The following CDH20 variants were observed in gnomAD, a reference collection of about 807,000 sequenced individuals.
CDH20 encodes the protein cadherin-20.
In CDH20, 29 loss-of-function variants were observed where a neutral mutation model predicts 74.2. That is an observed-to-expected ratio of 0.39 (90% CI 0.29 to 0.53). The LOEUF (loss-of-function observed/expected upper bound fraction) is 0.53. Among genes scored for constraint, CDH20 ranks in the 20% least tolerant of loss-of-function variants. The probability of loss-of-function intolerance (pLI) is 0.69; values close to 1 mark genes in which losing one functional copy is unlikely to be tolerated. For synonymous variants in CDH20, 469 were observed against 405.4 expected (o/e 1.16, Z -1.88); for missense variants, 988 against 1,048.3 (o/e 0.94, Z 0.79).
intron 1 of CDH20, among the ~76,000 whole-genome samples, chr18:61,417,204 A>C (rs2144264244): frequency 6.6e-6 from 1 of 152,330 alleles, no homozygotes; most frequent in South Asian, 2.1e-4. Context: ...AAAGGAGATA[A>C]GATTATAGAG....
chr18:61,424,355 G>A (rs1912995197), intron 1 of CDH20, among the ~76,000 whole-genome samples: 1 of 152,232 alleles, frequency 6.6e-6, no homozygotes, highest in East Asian at 1.9e-4. Flanking sequence ...CTGAAGACTT[G>A]CCTGCCATCT....
intron 1 of CDH20, among the ~76,000 whole-genome samples, chr18:61,420,007 C>T (rs983726347): frequency 6.6e-6 from 1 of 151,694 alleles, no homozygotes; most frequent in African/African-American, 2.4e-5. Context: ...GAAGCACAGA[C>T]CCAACATTAA....
chr18:61,538,588 G>T (rs62097361), intron 8 of CDH20, among the ~76,000 whole-genome samples: 43,900 of 53,998 alleles, frequency 0.81, 17,298 homozygotes, highest in Non-Finnish European at 0.87. Flanking sequence ...CTTTTTGTTT[G>T]TTTGTTTGTT....
intron 1 of CDH20, among the ~76,000 whole-genome samples, chr18:61,431,286 C>G (rs1913243728): frequency 6.6e-6 from 1 of 152,046 alleles, no homozygotes; most frequent in South Asian, 2.1e-4. Flanking sequence ...TCATCAAAGA[C>G]AATGAAAGTC....
intron 7 of CDH20, among the ~76,000 whole-genome samples, chr18:61,531,992 G>A (rs889398858): frequency 5.3e-5 from 8 of 152,126 alleles, no homozygotes; most frequent in Admixed American, 6.5e-5. Context: ...GTGTGAGAAC[G>A]GACTAATACT....
chr18:61,460,277 T>C (rs889042770), intron 1 of CDH20, among the ~76,000 whole-genome samples: 4 of 152,198 alleles, frequency 2.6e-5, no homozygotes, highest in African/African-American at 9.6e-5. Context: ...GTGACCTTGA[T>C]ATGATTCTGC....
intron 1 of CDH20, among the ~76,000 whole-genome samples, chr18:61,450,763 G>A (rs895321953): frequency 1.3e-5 from 2 of 151,998 alleles, no homozygotes; most frequent in Admixed American, 1.3e-4. Context: ...TTGCTTTTAA[G>A]TGTACCACGG....
chr18:61,419,189 G>A (rs948677524), intron 1 of CDH20, among the ~76,000 whole-genome samples: 6 of 151,952 alleles, frequency 3.9e-5, no homozygotes, highest in East Asian at 1.9e-4. Context: ...TCAGCCGCCC[G>A]AGAAGCTGAG....
intron 8 of CDH20, 85 bp downstream of exon 8, chr18:61,536,714 A>G: frequency 8.5e-7 from 1 of 1,182,106 alleles, no homozygotes; most frequent in Non-Finnish European, 1.2e-6. Context: ...TTGTTGTAAC[A>G]AAAATTATAT....
At chr18:61,502,788 C>A (rs1490450681) in intron 4 of CDH20, among the ~76,000 whole-genome samples, 165 bp from the exon 5 acceptor site, 1 of 152,168 alleles carries the variant, frequency 6.6e-6, no homozygotes, top group African/African-American at 2.4e-5. Context: ...TTCAGTACAG[C>A]CCATTTTTGA....
chr18:61,396,926 A>G (rs1912000988), intron 1 of CDH20, among the ~76,000 whole-genome samples: 1 of 152,136 alleles, frequency 6.6e-6, no homozygotes, highest in Non-Finnish European at 1.5e-5. Flanking sequence ...GACATCTCTC[A>G]TTGCTGTCTG....
At chr18:61,351,375 C>T (rs72989996) in intron 1 of CDH20, among the ~76,000 whole-genome samples, 11,137 of 152,234 alleles carry the variant, frequency 0.073, 575 homozygotes, top group Middle Eastern at 0.14. Flanking sequence ...TTAAATCATG[C>T]TCTTGCCTCT....
At chr18:61,528,334 C>A in intron 7 of CDH20, 114 bp downstream of exon 7, 1 of 1,097,812 alleles carries the variant, frequency 9.1e-7, no homozygotes, top group Non-Finnish European at 1.3e-6. Flanking sequence ...TTTCTGGAGA[C>A]TCTCCTCTTT....
intron 1 of CDH20, among the ~76,000 whole-genome samples, chr18:61,452,440 C>T (rs1180072861): frequency 6.6e-6 from 1 of 152,042 alleles, no homozygotes; most frequent in Non-Finnish European, 1.5e-5. Flanking sequence ...TCAGTTTTTT[C>T]CACCTAGAAA....
At chr18:61,381,973 C>A (rs1911446903) in intron 1 of CDH20, among the ~76,000 whole-genome samples, 1 of 152,150 alleles carries the variant, frequency 6.6e-6, no homozygotes, top group Admixed American at 6.6e-5. Context: ...TACTACCCCC[C>A]CCAGTATGGT....
intron 2 of CDH20, among the ~76,000 whole-genome samples, chr18:61,492,378 A>G (rs1432645119): frequency 6.6e-6 from 1 of 152,000 alleles, no homozygotes; most frequent in East Asian, 1.9e-4. Flanking sequence ...CAGTCTCCTC[A>G]TGTCCACCTG....
intron 1 of CDH20, among the ~76,000 whole-genome samples, chr18:61,443,708 T>C (rs1036266078): frequency 6.6e-6 from 1 of 152,186 alleles, no homozygotes; most frequent in African/African-American, 2.4e-5. Context: ...TTATAGAGGA[T>C]GCAGGGCACT....
At position 61,423,596 on chromosome 18, in the gene CDH20, A is replaced by C. The variant is rs181904040; in HGVS notation, c.-152-66806A>C. Among the ~76,000 whole-genome samples, 190 of 151,936 alleles carry C rather than the reference A, an allele frequency of 1.3e-3. 1 individual carries two copies. Among genetic ancestry groups the C allele is most frequent in the African/African-American group, 4.3e-3 (180 of 41,414 alleles). ...TTTCTTTTTTTTTTCTTTTTAATTTAATAGATCTATGCTACATTTTATAAC... is the reference window on the plus strand; with the variant it reads ...TTTCTTTTTTTTTTCTTTTTAATTTCATAGATCTATGCTACATTTTATAAC... On this transcript the variant is annotated intron_variant, in intron 1 of 11. Transcript: ENST00000262717.
intron 6 of CDH20, among the ~76,000 whole-genome samples, chr18:61,521,140 G>GT (rs1912192016): frequency 6.6e-6 from 1 of 150,670 alleles, no homozygotes. Context: ...CCAGGAGCTG[G>GT]TTTTTTGAAA....
Sources: gnomAD v4.1 joint callset for allele counts (sites outside exome capture counted in the v4.1 genomes callset) on GRCh38, gnomAD v4.1.1 for gene constraint, MANE v1.5 for transcripts, NCBI Gene and HGNC (gene_info 2026-07-23, HGNC 2026-07-21) for gene names.